Variants in ADGRV1 observed in about 807,000 individuals in gnomAD.
ADGRV1 encodes the protein G-protein coupled receptor 98.
A neutral mutation model predicts 596.2 loss-of-function variants in ADGRV1; 359 were observed. That is an observed-to-expected ratio of 0.60 (90% CI 0.55 to 0.66). The LOEUF is 0.66. Among genes scored for constraint, ADGRV1 ranks in the 30% least tolerant of loss-of-function variants. The pLI, the probability that ADGRV1 is intolerant of heterozygous loss-of-function variation, is 0.00. For missense variants in ADGRV1, 7,274 were observed against 7,575.6 expected, an observed-to-expected ratio of 0.96 and a Z score of 1.48; for synonymous variants, 2,681 against 2,679.2, an observed-to-expected ratio of 1.00 and a Z score of -0.02.
intron 83 of ADGRV1, among the ~76,000 whole-genome samples, chr5:90,884,898 C>G (rs1482782597): frequency 6.6e-6 from 1 of 152,110 alleles, no homozygotes; most frequent in African/African-American, 2.4e-5. Context: ...CCTTTTATTT[C>G]TTTGGCAATC....
intron 83 of ADGRV1, among the ~76,000 whole-genome samples, chr5:90,893,757 G>A (rs536124353): frequency 2.0e-5 from 3 of 152,194 alleles, no homozygotes; most frequent in Admixed American, 2.0e-4. Flanking sequence ...TTACTCATAA[G>A]GATTACTTGT....
chr5:90,650,826 C>A (rs968967587), intron 17 of ADGRV1, among the ~76,000 whole-genome samples: 35 of 152,086 alleles, frequency 2.3e-4, no homozygotes, highest in African/African-American at 7.7e-4. Context: ...CTTAGCTTAA[C>A]CTGGGGATTC....
intron 58 of ADGRV1, among the ~76,000 whole-genome samples, chr5:90,761,684 A>C (rs1756528236): frequency 6.6e-6 from 1 of 152,236 alleles, no homozygotes; most frequent in Non-Finnish European, 1.5e-5. Flanking sequence ...TAATATCGTT[A>C]CAGCTACAAA....
chr5:91,081,969 T>C (rs907441299), intron 86 of ADGRV1, among the ~76,000 whole-genome samples: 4 of 152,326 alleles, frequency 2.6e-5, no homozygotes, highest in Middle Eastern at 3.4e-3. Context: ...TCATCACTTA[T>C]GGTGATGAGA....
chr5:90,778,203 C>CGTGT (rs754701646), intron 62 of ADGRV1, among the ~76,000 whole-genome samples, 160 bp downstream of exon 62: 1 of 148,360 alleles, frequency 6.7e-6, no homozygotes, highest in Non-Finnish European at 1.5e-5. Flanking sequence ...TTGGCGTGCA[C>CGTGT]GTGTGTGTGT....
At position 91,075,066 on chromosome 5, in the gene ADGRV1, T is replaced by C. The variant is rs58577202; in HGVS notation, c.18310+2462T>C. Among the ~76,000 whole-genome samples the C allele has an allele frequency of 4.4e-3, 665 of 152,300 alleles. 12 individuals are homozygous for C. Among genetic ancestry groups the C allele is most frequent in the African/African-American group, 0.015 (609 of 41,564 alleles). ...TTGCCTGTTCATTTGTTTAGGTTCC[T>C]CATAGGTTCTGGATATTAGACCATT... On this transcript the variant is annotated intron_variant, in intron 86 of 89. Coordinates refer to ENST00000405460, the MANE Select transcript of ADGRV1 (RefSeq NM_032119.4).
At chr5:90,926,314 G>T (rs1474806716) in intron 83 of ADGRV1, among the ~76,000 whole-genome samples, 8 of 150,684 alleles carry the variant, frequency 5.3e-5, no homozygotes, top group Non-Finnish European at 8.9e-5. Flanking sequence ...TTCAGCTCCT[G>T]TTATTGGTCT....
rs1198555628 is a variant in ADGRV1 at position 90,810,989 on chromosome 5, T to G, written c.15729T>G (p.Val5243=). Residue 5243 remains valine (V), a synonymous_variant, in exon 74 of 90, where the codon GTT becomes GTG. Transcript: ENST00000405460. ...ATGGCACATTCAACACTGCAGAAGT[T>G]CTTATCCGAAGAACTGGTGGGTTTA... ...MKNGTFNTAE[V]LIRRTGGFTG... The G allele has an allele frequency of 2.5e-6, 4 of 1,613,880 alleles. No individual in the cohort carries two copies. The Admixed American group carries it at 6.7e-5, about 27-fold the overall frequency.
At chr5:91,089,572 G>C (rs1790206316) in intron 86 of ADGRV1, among the ~76,000 whole-genome samples, 1 of 152,152 alleles carries the variant, frequency 6.6e-6, no homozygotes, top group South Asian at 2.1e-4. Context: ...TCTGGGAACT[G>C]ACATTTATGA....
chr5:91,083,868 G>A (rs1313420107), intron 86 of ADGRV1, among the ~76,000 whole-genome samples: 1 of 152,242 alleles, frequency 6.6e-6, no homozygotes, highest in Non-Finnish European at 1.5e-5. Context: ...AGGAGTTCAA[G>A]ACTGTAGTGC....
rs1762087323 is a variant in ADGRV1 at position 90,808,159 on chromosome 5, TA to T, written c.14972+424del. On this transcript the variant is annotated intron_variant, in intron 73 of 89. Transcript: ENST00000405460. ...GACCAGTGGCCCTTTGACTTTAATT[TA>T]ATTTTATTGAATTTTACTATGTATC... Among the ~76,000 whole-genome samples the T allele has an allele frequency of 2.6e-5, 4 of 152,380 alleles. No homozygotes were observed. In the South Asian group the frequency reaches 8.3e-4, roughly 32 times the overall value.
Position 90,751,249 on chromosome 5 carries a change from G to A in ADGRV1, c.11121+552G>A, listed in dbSNP as rs545755883. Among the ~76,000 whole-genome samples the A allele has an allele frequency of 1.2e-4, 18 of 152,294 alleles. No homozygotes were observed. The Middle Eastern group carries it at 0.01, about 86-fold the overall frequency. On this transcript the variant is annotated intron_variant, in intron 53 of 89. Transcript: ENST00000405460. ...TGATCCACAGGCAATTGCAACTGAG[G>A]TTGATTGCAACTGAGTTCAGGAGAT...
chr5:90,605,218 C>T (rs1757593013), intron 1 of ADGRV1, among the ~76,000 whole-genome samples: 1 of 151,996 alleles, frequency 6.6e-6, no homozygotes, highest in South Asian at 2.1e-4. Flanking sequence ...AGATTGAGAC[C>T]ATCCTGGCCA....
chr5:91,060,530 A>G (rs1028409634), intron 85 of ADGRV1, among the ~76,000 whole-genome samples: 3 of 152,034 alleles, frequency 2.0e-5, no homozygotes, highest in African/African-American at 7.3e-5. Flanking sequence ...ACACCAAGCC[A>G]CTGTTTTCTT....
At chr5:90,981,403 C>T (rs1780066328) in intron 84 of ADGRV1, among the ~76,000 whole-genome samples, 1 of 152,132 alleles carries the variant, frequency 6.6e-6, no homozygotes. Flanking sequence ...CTTGACTTTT[C>T]CCTTTAGCTT....
chr5:90,788,873 C>G (rs1413723368), intron 68 of ADGRV1, among the ~76,000 whole-genome samples: 2 of 151,494 alleles, frequency 1.3e-5, no homozygotes, highest in Non-Finnish European at 2.9e-5. Flanking sequence ...GACACACACA[C>G]ACACACACAC....
chr5:90,981,368 G>A (rs1429067610), intron 84 of ADGRV1, among the ~76,000 whole-genome samples: 3 of 152,192 alleles, frequency 2.0e-5, no homozygotes, highest in East Asian at 3.8e-4. Context: ...AGAATGGGAG[G>A]CAGGTTGGCC....
intron 30 of ADGRV1, 56 bp from the exon 31 acceptor site, chr5:90,690,741 T>C: frequency 6.5e-7 from 1 of 1,534,718 alleles, no homozygotes; most frequent in Non-Finnish European, 8.9e-7. Flanking sequence ...CTTGGTTAAC[T>C]GTTATCTCTG....
At position 91,057,085 on chromosome 5, in the gene ADGRV1, C is replaced by G. The variant is rs116398251; in HGVS notation, c.18153-15362C>G. ...CTTTTGTACCAACCTAATATTTTCT[C>G]CTGACTCCTCTCCACACACCTAGGT... On this transcript the variant is annotated intron_variant, in intron 85 of 89. Coordinates refer to ENST00000405460, the MANE Select transcript of ADGRV1 (RefSeq NM_032119.4). Among the ~76,000 whole-genome samples, 1,247 of 152,266 alleles carry G rather than the reference C, an allele frequency of 8.2e-3. 17 individuals carry two copies. Among genetic ancestry groups the G allele is most frequent in the African/African-American group, 0.029 (1,184 of 41,540 alleles).
Sources: allele counts gnomAD v4.1 joint callset (sites outside exome capture counted in the v4.1 genomes callset), GRCh38; gene constraint gnomAD v4.1.1; transcripts MANE v1.5; gene names NCBI Gene and HGNC (gene_info 2026-07-23, HGNC 2026-07-21).